SCN9A: variants seen among roughly 807,000 people sequenced by gnomAD.
SCN9A encodes sodium voltage-gated channel alpha subunit 9.
SCN9A carries 131 observed loss-of-function variants against 187.0 expected under a neutral mutation model. The observed-to-expected ratio is 0.70, with a 90% CI of 0.61 to 0.81. SCN9A has a LOEUF of 0.81. SCN9A is among the 30% of genes least tolerant of loss of function. The pLI, the probability that SCN9A is intolerant of heterozygous loss-of-function variation, is 0.00. For synonymous variants in SCN9A, 809 were observed against 808.6 expected, an observed-to-expected ratio of 1.00 and a Z score of -0.01; for missense variants, 2,252 against 2,396.6, an observed-to-expected ratio of 0.94 and a Z score of 1.26.
At chr2:166,352,450 G>C (rs1313785246) in intron 1 of SCN9A, among the ~76,000 whole-genome samples, 1 of 152,162 alleles carries the variant, frequency 6.6e-6, no homozygotes, top group African/African-American at 2.4e-5. Flanking sequence ...ACTGCAGTAA[G>C]ACTGAAACTA....
At position 166,269,665 on chromosome 2, in the gene SCN9A, G is replaced by A. The variant is rs73021688; in HGVS notation, c.3351+2734C>T. The stretch of plus-strand genomic sequence containing the variant: ...AAGTGCTAAATGGAAAGTTCTATAA[G>A]GTTCCCTTAAAAATGTTGCAACTCA... On this transcript the variant is annotated intron_variant, in intron 17 of 26. Coordinates refer to ENST00000642356, the MANE Select transcript of SCN9A (RefSeq NM_001365536.1). Among the ~76,000 whole-genome samples the A allele has an allele frequency of 5.6e-3, 850 of 152,032 alleles. 8 individuals are homozygous for A. The highest frequency in any genetic ancestry group is 0.02 in the African/African-American group (813 of 41,514).
chr2:166,355,373 A>G (rs1296110899), intron 1 of SCN9A, among the ~76,000 whole-genome samples: 2 of 152,090 alleles, frequency 1.3e-5, no homozygotes, highest in African/African-American at 4.8e-5. Flanking sequence ...AAAACTTCAT[A>G]ATTTGATATT....
intron 1 of SCN9A, among the ~76,000 whole-genome samples, chr2:166,364,673 G>A (rs1420664147): frequency 6.6e-6 from 1 of 152,068 alleles, no homozygotes; most frequent in Non-Finnish European, 1.5e-5. Flanking sequence ...GGGTGATAGG[G>A]GAAGAGAGGA....
intron 1 of SCN9A, among the ~76,000 whole-genome samples, chr2:166,335,265 C>T (rs548381702): frequency 6.9e-6 from 1 of 145,372 alleles, no homozygotes; most frequent in East Asian, 1.9e-4. Flanking sequence ...CATAACTAAA[C>T]ATAAACAAGA....
At chr2:166,269,693 A>C (rs1210926675) in intron 17 of SCN9A, among the ~76,000 whole-genome samples, 1 of 152,118 alleles carries the variant, frequency 6.6e-6, no homozygotes, top group African/African-American at 2.4e-5. Context: ...GCAACTCAAC[A>C]TACTAAGAAT....
chr2:166,320,376 A>G (rs1699208353), intron 1 of SCN9A, among the ~76,000 whole-genome samples: 1 of 152,180 alleles, frequency 6.6e-6, no homozygotes, highest in South Asian at 2.1e-4. Flanking sequence ...ACTGGGCTTG[A>G]AAAATATGGA....
chr2:166,293,381 G>A lies in SCN9A; in HGVS notation c.966-9C>T, dbSNP rs200890866. The A allele has an allele frequency of 1.1e-5, 18 of 1,597,362 alleles. No homozygotes were observed. Among genetic ancestry groups the A allele is most frequent in the Non-Finnish European group, 1.5e-5 (17 of 1,171,066 alleles). On this transcript the variant is annotated splice_polypyrimidine_tract_variant and intron_variant, in intron 8 of 26. Coordinates refer to ENST00000642356, the MANE Select transcript of SCN9A (RefSeq NM_001365536.1). The stretch of plus-strand genomic sequence containing the variant: ...ACCCCTCTGGACACTGACTACACAC[G>A]AGAAAGAACATTATAGGTGAGAGTG...
rs1352302253 is a variant in SCN9A at position 166,278,166 on chromosome 2, A to G, written c.2491T>C (p.Leu831=). Residue 831 remains leucine (L), a synonymous_variant, in exon 15 of 27, where the codon TTG becomes CTG. Transcript: ENST00000642356. ...AGTCTGAATGATCGCAGAACTGACA[A>G]TCCTTCCACATCTGCTAGAAAGAGC... is the stretch of plus-strand genomic sequence containing the variant. ...VELFLADVEG[L]SVLRSFRLLR... is the part of the protein sequence containing the mutation. 3 of 1,613,020 alleles carry G rather than the reference A, an allele frequency of 1.9e-6. No homozygotes were observed. Among genetic ancestry groups the G allele is most frequent in the Non-Finnish European group, 2.5e-6 (3 of 1,179,594 alleles).
intron 24 of SCN9A, among the ~76,000 whole-genome samples, chr2:166,219,984 G>A (rs1450117380): frequency 6.6e-6 from 1 of 152,068 alleles, no homozygotes; most frequent in Non-Finnish European, 1.5e-5. Flanking sequence ...ACATACTACA[G>A]AACAAGATCC....
At chr2:166,367,214 T>A (rs1700438225) in intron 1 of SCN9A, among the ~76,000 whole-genome samples, 1 of 152,206 alleles carries the variant, frequency 6.6e-6, no homozygotes, top group East Asian at 1.9e-4. Context: ...GTGTGTAACT[T>A]CATTCCCTGT....
chr2:166,340,059 G>A (rs577369845), intron 1 of SCN9A, among the ~76,000 whole-genome samples: 80 of 152,178 alleles, frequency 5.3e-4, no homozygotes, highest in African/African-American at 1.9e-3. Context: ...CCTGGCTAGG[G>A]TTTACTCTAC....
chr2:166,199,129 T>G lies in SCN9A; in HGVS notation c.5510A>C (p.His1837Pro). Residue 1837 changes from histidine (H) to proline (P), a missense_variant, in exon 27 of 27, where the codon CAT (histidine) becomes CCT (proline). Physicochemically the swap from His to Pro is moderately conservative, Grantham distance 77. Transcript: ENST00000642356. The stretch of plus-strand genomic sequence containing the variant: ...AAAAGCAAATAAGATGTCAAGACAA[T>G]GGATCCGGTCACCACTAACCATGGG... Reference protein sequence around the residue: ...DLPMVSGDRIHCLDILFAFTK... With the variant: ...DLPMVSGDRIPCLDILFAFTK... 6.2e-7 allele frequency: 1 copy of G among 1,614,154 alleles called. No homozygotes were observed. The highest frequency in any genetic ancestry group is 1.7e-5 in the Admixed American group (1 of 60,014).
chr2:166,291,058 A>G (rs1330009923), intron 9 of SCN9A, among the ~76,000 whole-genome samples: 1 of 152,186 alleles, frequency 6.6e-6, no homozygotes, highest in Non-Finnish European at 1.5e-5. Context: ...GCTATTCAAT[A>G]TAGTGTTGGA....
At chr2:166,226,744 CA>C in intron 23 of SCN9A, 40 bp from the exon 24 acceptor site, 1 of 1,452,446 alleles carries the variant, frequency 6.9e-7, no homozygotes, top group Non-Finnish European at 9.2e-7. Flanking sequence ...TGGACAGTAA[CA>C]TTCATTATTT....
chr2:166,339,056 C>A (rs924933466), intron 1 of SCN9A, among the ~76,000 whole-genome samples: 1 of 152,206 alleles, frequency 6.6e-6, no homozygotes, highest in African/African-American at 2.4e-5. Flanking sequence ...TTATCGATGA[C>A]TCATTTGGCT....
chr2:166,257,150 G>A (rs1696314421), intron 17 of SCN9A, among the ~76,000 whole-genome samples: 2 of 151,622 alleles, frequency 1.3e-5, no homozygotes, highest in African/African-American at 4.8e-5. Flanking sequence ...AGAGAAAGCA[G>A]CTGGAATACA....
At chr2:166,367,750 T>C (rs899542619) in intron 1 of SCN9A, among the ~76,000 whole-genome samples, 8 of 152,194 alleles carry the variant, frequency 5.3e-5, no homozygotes, top group Admixed American at 2.0e-4. Context: ...AGTGAAGTCA[T>C]TCAACCTATA....
intron 12 of SCN9A, among the ~76,000 whole-genome samples, chr2:166,282,548 G>A (rs1001490931): frequency 1.3e-5 from 2 of 152,034 alleles, no homozygotes; most frequent in African/African-American, 4.8e-5. Flanking sequence ...CACTATGTTG[G>A]TTCCATGCAG....
rs189328149 is a variant in SCN9A at position 166,218,990 on chromosome 2, G to T, written c.4398+7577C>A. On this transcript the variant is annotated intron_variant, in intron 24 of 26. Coordinates refer to ENST00000642356, the MANE Select transcript of SCN9A (RefSeq NM_001365536.1). The stretch of plus-strand genomic sequence containing the variant: ...AAGCTCAATGTCACTGACCATTAGA[G>T]AAATGCAAATCAAAACCACAATGAG... 2.6e-3 allele frequency among the ~76,000 whole-genome samples: 392 copies of T among 152,256 alleles called. 2 individuals are homozygous for T. The highest frequency in any genetic ancestry group is 9.0e-3 in the African/African-American group (372 of 41,548).
Sources: gnomAD v4.1 joint callset for allele counts (sites outside exome capture counted in the v4.1 genomes callset) on GRCh38, gnomAD v4.1.1 for gene constraint, MANE v1.5 for transcripts, NCBI Gene and HGNC (gene_info 2026-07-23, HGNC 2026-07-21) for gene names.